CEP290: variants seen among roughly 807,000 people sequenced by gnomAD.
CEP290 encodes the protein centrosomal protein of 290 kDa.
CEP290 carries 317 observed loss-of-function variants against 344.9 expected under a neutral mutation model. The ratio of observed to expected loss-of-function variants is 0.92; its 90% CI spans 0.84 to 1.01. The LOEUF (loss-of-function observed/expected upper bound fraction) is 1.01. Ranked by LOEUF, CEP290 falls within the 50% of genes least tolerant of loss-of-function variation. CEP290 has a pLI of 0.00. For missense variants in CEP290, 2,754 were observed against 2,761.4 expected, an observed-to-expected ratio of 1.00 and a Z score of 0.06; for synonymous variants, 932 against 895.8, an observed-to-expected ratio of 1.04 and a Z score of -0.72.
At chr12:88,113,916 A>G (rs1592616234) in intron 20 of CEP290, among the ~76,000 whole-genome samples, 1 of 152,112 alleles carries the variant, frequency 6.6e-6, no homozygotes, top group East Asian at 1.9e-4. Flanking sequence ...TAGAAAATGA[A>G]CAAAAGCAAG....
chr12:88,115,671 G>A (rs1016622443), intron 18 of CEP290: 4 of 994,974 alleles, frequency 4.0e-6, no homozygotes, highest in Non-Finnish European at 5.2e-6. Flanking sequence ...ATGTTAAAGT[G>A]CAAACAAAAA....
chr12:88,056,869 C>CT (rs1367197407), intron 49 of CEP290, among the ~76,000 whole-genome samples: 3 of 152,104 alleles, frequency 2.0e-5, no homozygotes, highest in African/African-American at 7.2e-5. Context: ...ACTTTAGTAA[C>CT]TTTTTTTCTT....
At chr12:88,101,480 CAAAAAA>C (rs762783922) in intron 26 of CEP290, among the ~76,000 whole-genome samples, 2 of 44,268 alleles carry the variant, frequency 4.5e-5, no homozygotes, top group African/African-American at 9.4e-5. Flanking sequence ...GACTCTGCCT[CAAAAAA>C]AAAAAAAAAA....
At chr12:88,055,356 T>G (rs542539389) in intron 50 of CEP290, among the ~76,000 whole-genome samples, 1 of 152,006 alleles carries the variant, frequency 6.6e-6, no homozygotes, top group South Asian at 2.1e-4. Context: ...AGTTTGAAAA[T>G]AGAGCTGACA....
intron 50 of CEP290, 48 bp from the exon 51 acceptor site, chr12:88,054,461 T>C (rs561328474): frequency 8.8e-6 from 12 of 1,362,124 alleles, no homozygotes; most frequent in South Asian, 1.2e-5. Flanking sequence ...CATGGAAATA[T>C]GAGGATTTAT....
intron 35 of CEP290, 40 bp from the exon 36 acceptor site, chr12:88,083,994 T>A (rs1375422071): frequency 1.6e-6 from 2 of 1,234,724 alleles, no homozygotes; most frequent in Admixed American, 2.4e-5. Flanking sequence ...TAAATTGTGA[T>A]TAAAACAAAT....
At chr12:88,069,712 G>C (rs1351556820) in intron 43 of CEP290, among the ~76,000 whole-genome samples, 1 of 152,170 alleles carries the variant, frequency 6.6e-6, no homozygotes, top group African/African-American at 2.4e-5. Context: ...AACTTCGTAT[G>C]TTCACATCAC....
chr12:88,123,122 G>C (rs2039515134), intron 13 of CEP290, among the ~76,000 whole-genome samples: 1 of 151,792 alleles, frequency 6.6e-6, no homozygotes, highest in Non-Finnish European at 1.5e-5. Context: ...CTCTTCACTG[G>C]CACACTAGGA....
chr12:88,086,376 A>G lies in CEP290; in HGVS notation c.4302+15T>C, dbSNP rs886038696. ...ACTATGCTACAGAGTAACAAACAAG[A>G]TTAATCATTCATACCTTTTGTGCCG... On this transcript the variant is annotated intron_variant, in intron 33 of 53. Coordinates refer to ENST00000552810, the MANE Select transcript of CEP290 (RefSeq NM_025114.4). 1.9e-6 allele frequency: 3 copies of G among 1,562,408 alleles called. No individual in the cohort carries two copies. The highest frequency in any genetic ancestry group is 2.6e-6 in the Non-Finnish European group (3 of 1,150,066).
intron 23 of CEP290, among the ~76,000 whole-genome samples, chr12:88,107,826 C>T (rs558634132): frequency 6.6e-6 from 1 of 151,516 alleles, no homozygotes; most frequent in Admixed American, 6.6e-5. Context: ...AACTTGGACC[C>T]AGGAGGCAGA....
intron 37 of CEP290, 92 bp from the exon 38 acceptor site, chr12:88,080,487 C>T: frequency 2.2e-6 from 2 of 906,414 alleles, no homozygotes; most frequent in Non-Finnish European, 3.3e-6. Flanking sequence ...TGGAGTGCAG[C>T]AGCGCAATCT....
intron 44 of CEP290, among the ~76,000 whole-genome samples, chr12:88,067,618 C>A (rs2035042982): frequency 6.6e-6 from 1 of 152,128 alleles, no homozygotes; most frequent in South Asian, 2.1e-4. Context: ...CTCACTCTTG[C>A]CTATCTTATT....
rs1565917034 is a variant in CEP290 at position 88,131,196 on chromosome 12, G to C, written c.464C>G (p.Ala155Gly). The change falls in exon 7 of 54, where the codon GCA becomes GGA. Residue 155 changes from alanine to glycine, a missense_variant. Physicochemically the swap from Ala to Gly is moderately conservative, Grantham distance 60. Coordinates refer to ENST00000552810, the MANE Select transcript of CEP290 (RefSeq NM_025114.4). Reference sequence around the variant, plus strand: ...TCTTAATTTGCTGTTTTCATTTTCTGCCTCCTCATTTCGAAGAGCCAACTA... The same window carrying C: ...TCTTAATTTGCTGTTTTCATTTTCTCCCTCCTCATTTCGAAGAGCCAACTA... ...NEQLALRNEE[A>G]ENENSKLRRE... 2 of 1,509,762 alleles carry C rather than the reference G, an allele frequency of 1.3e-6. No homozygotes were observed. The highest frequency in any genetic ancestry group is 1.4e-5 in the South Asian group (1 of 73,222). 93.5% of individuals were successfully genotyped at this position (1,509,762 alleles called of 1,614,324 possible). A position where few individuals can be genotyped will look rare whatever the true frequency, so the allele number is the denominator to read the frequency against.
In CEP290 at chr12:88,077,741, C is replaced by T; in HGVS notation, c.5542G>A (p.Asp1848Asn). The change falls in exon 40 of 54, where the codon GAT becomes AAT. Residue 1848 changes from aspartate (D) to asparagine (N), a missense_variant. Coordinates refer to ENST00000552810, the MANE Select transcript of CEP290 (RefSeq NM_025114.4). ...REKEEIDQEN[D>N]ELKRQIKRLT... ...CTTTTAATTTGCCTTTTCAGTTCAT[C>T]ATTCTCTTGATCAATTTCCTCTTTC... 6.3e-7 allele frequency: 1 copy of T among 1,577,656 alleles called. No homozygotes were observed. Among genetic ancestry groups the T allele is most frequent in the Non-Finnish European group, 8.6e-7 (1 of 1,165,366 alleles).
chr12:88,096,875 T>G lies in CEP290; in HGVS notation c.3103+13A>C. 8.0e-7 allele frequency: 1 copy of G among 1,254,920 alleles called. No individual in the cohort carries two copies. Among genetic ancestry groups the G allele is most frequent in the Non-Finnish European group, 1.1e-6 (1 of 887,642 alleles). 77.7% of individuals were successfully genotyped at this position (1,254,920 alleles called of 1,614,324 possible). On this transcript the variant is annotated intron_variant, in intron 27 of 53. Coordinates refer to ENST00000552810, the MANE Select transcript of CEP290 (RefSeq NM_025114.4). ...TGTTAATCATTTTATATTATCAGAG[T>G]CATAAAACTTACCTAATTTAGTTTC...
chr12:88,082,251 A>G, intron 37 of CEP290, among the ~76,000 whole-genome samples: 1 of 152,244 alleles, frequency 6.6e-6, no homozygotes, highest in Non-Finnish European at 1.5e-5. Flanking sequence ...AATCTCTATT[A>G]TATGACAGAC....
intron 28 of CEP290, 68 bp from the exon 29 acceptor site, chr12:88,092,900 T>C: frequency 6.9e-7 from 1 of 1,458,054 alleles, no homozygotes; most frequent in Non-Finnish European, 9.5e-7. Context: ...GTAATTTAGC[T>C]TTTAAAGTAC....
intron 7 of CEP290, 61 bp from the exon 8 acceptor site, chr12:88,130,626 T>G: frequency 7.0e-7 from 1 of 1,427,202 alleles, no homozygotes; most frequent in Non-Finnish European, 9.2e-7. Flanking sequence ...TAATTAAAAA[T>G]AATAATCAGA....
chr12:88,082,767 G>A (rs1199079983), intron 37 of CEP290, among the ~76,000 whole-genome samples: 1 of 152,160 alleles, frequency 6.6e-6, no homozygotes, highest in Non-Finnish European at 1.5e-5. Context: ...AAAAGAATTT[G>A]TATTGGCTTT....
Sources: gnomAD v4.1 joint callset for allele counts (sites outside exome capture counted in the v4.1 genomes callset) on GRCh38, gnomAD v4.1.1 for gene constraint, MANE v1.5 for transcripts, NCBI Gene and HGNC (gene_info 2026-07-23, HGNC 2026-07-21) for gene names.